The following INSR variants were observed in gnomAD, a reference collection of about 807,000 sequenced individuals.
The protein encoded by INSR is insulin receptor.
INSR carries 67 observed loss-of-function variants against 142.6 expected under a neutral mutation model. The ratio of observed to expected loss-of-function variants is 0.47; its 90% CI spans 0.39 to 0.58. The LOEUF is 0.58. Among genes scored for constraint, INSR ranks in the 20% least tolerant of loss-of-function variants. The pLI is 0.00. For missense variants in INSR, 1,248 were observed against 1,833.2 expected, an observed-to-expected ratio of 0.68 and a Z score of 5.83; for synonymous variants, 756 against 743.1, an observed-to-expected ratio of 1.02 and a Z score of -0.28.
At position 7,152,888 on chromosome 19, in the gene INSR, T is replaced by A. The variant is rs768172890; in HGVS notation, c.2069A>T (p.Glu690Val). 1.9e-6 allele frequency: 3 copies of A among 1,612,700 alleles called. No homozygotes were observed. Among genetic ancestry groups the A allele is most frequent in the Non-Finnish European group, 2.5e-6 (3 of 1,179,858 alleles). Residue 690 changes from glutamate (E) to valine (V), a missense_variant, in exon 10 of 22, where the codon GAG (glutamate) becomes GTG (valine). Glu to Val is a moderately radical substitution (Grantham distance 121). This residue lies in a region of INSR where 1,069 missense variants were observed against 1,654.0 expected (regional missense o/e 0.65). Transcript: ENST00000302850. ...GTTGTGCTTCTGAGAATCTTCAGAC[T>A]CGAATGGTGGAGACCAGGTCCTCGA... ...LPSRTWSPPFESEDSQKHNQS... is the reference protein window; with the variant it reads ...LPSRTWSPPFVSEDSQKHNQS...
chr19:7,135,753 G>A (rs1003298258), intron 13 of INSR, among the ~76,000 whole-genome samples: 3 of 151,868 alleles, frequency 2.0e-5, no homozygotes, highest in African/African-American at 4.8e-5. Flanking sequence ...GGCAGATCAC[G>A]AGGTCAGGAG....
chr19:7,290,483 C>T (rs932389494), intron 1 of INSR, among the ~76,000 whole-genome samples: 1 of 151,700 alleles, frequency 6.6e-6, no homozygotes, highest in Non-Finnish European at 1.5e-5. Flanking sequence ...AATCAAAATG[C>T]CATATTGGGC....
chr19:7,282,520 T>A (rs1968230913), intron 1 of INSR, among the ~76,000 whole-genome samples: 1 of 143,920 alleles, frequency 6.9e-6, no homozygotes, highest in Non-Finnish European at 1.5e-5. Flanking sequence ...CCATCTCTAC[T>A]AAAATGCAAA....
intron 13 of INSR, among the ~76,000 whole-genome samples, chr19:7,136,828 C>CATATATATCTATATATATAT (rs1972938664): frequency 7.2e-6 from 1 of 139,752 alleles, no homozygotes; most frequent in African/African-American, 2.9e-5. Flanking sequence ...TATTTATTTA[C>CATATATATCTATATATATAT]ATATATATAT....
chr19:7,185,505 T>G (rs1293509133), intron 2 of INSR, among the ~76,000 whole-genome samples: 1 of 152,114 alleles, frequency 6.6e-6, no homozygotes, highest in African/African-American at 2.4e-5. Context: ...GATCCTGCCT[T>G]TGGGAGCACA....
intron 2 of INSR, among the ~76,000 whole-genome samples, chr19:7,197,918 A>AGTGTGT (rs71864058): frequency 0.017 from 1,655 of 100,242 alleles, 43 homozygotes; most frequent in African/African-American, 0.041. Context: ...CCAGAGTGAG[A>AGTGTGT]GTGTGTGTGT....
intron 2 of INSR, among the ~76,000 whole-genome samples, chr19:7,211,688 C>T (rs1975277380): frequency 1.3e-5 from 2 of 152,204 alleles, no homozygotes; most frequent in Admixed American, 1.3e-4. Flanking sequence ...GACTCTACTC[C>T]CACAGACTGA....
intron 9 of INSR, among the ~76,000 whole-genome samples, chr19:7,158,294 A>G (rs1973655789): frequency 1.3e-5 from 2 of 151,822 alleles, no homozygotes. Flanking sequence ...AGGTCAGGAG[A>G]TCGAGACCAT....
intron 19 of INSR, among the ~76,000 whole-genome samples, chr19:7,122,387 G>A (rs1273033655): frequency 2.6e-5 from 4 of 151,670 alleles, no homozygotes; most frequent in Non-Finnish European, 5.9e-5. Context: ...AGGTTGCAGT[G>A]AGCTGAGATC....
chr19:7,146,430 C>T lies in INSR; in HGVS notation c.2268-3340G>A, dbSNP rs1973189736. Among the ~76,000 whole-genome samples, 5 of 151,854 alleles carry T rather than the reference C, an allele frequency of 3.3e-5. No homozygotes were observed. The South Asian group carries it at 1.0e-3, about 32-fold the overall frequency. ...CTAATTTTTGTATTGTTAGTAGAGA[C>T]AGTGTTTCACCATGTTGACCAGAAT... is the stretch of plus-strand genomic sequence containing the variant. On this transcript the variant is annotated intron_variant, in intron 11 of 21. Transcript: ENST00000302850.
chr19:7,167,162 G>T (rs1165374089), intron 7 of INSR, among the ~76,000 whole-genome samples: 1 of 152,012 alleles, frequency 6.6e-6, no homozygotes, highest in Non-Finnish European at 1.5e-5. Flanking sequence ...TTCAGATTAG[G>T]GATACTCAAT....
Position 7,119,627 on chromosome 19 carries a change from C to CAT in INSR, c.3660-45_3660-44insAT. On this transcript the variant is annotated intron_variant, in intron 20 of 21. Coordinates refer to ENST00000302850, the MANE Select transcript of INSR (RefSeq NM_000208.4). This position sits in a 1 kb window ranked among gnomAD's most constrained non-coding sequence, Gnocchi z 5.2. Reference sequence around the variant, plus strand: ...AGTAGTAACAAAGAAGCCATTTAGACACACACACACACGCGCGCGCGCAAA... The same window carrying CAT: ...AGTAGTAACAAAGAAGCCATTTAGACATACACACACACACGCGCGCGCGCAAA... 1 of 1,550,816 alleles carries CAT rather than the reference C, an allele frequency of 6.4e-7. No homozygotes were observed. The highest frequency in any genetic ancestry group is 8.8e-7 in the Non-Finnish European group (1 of 1,133,504).
intron 2 of INSR, among the ~76,000 whole-genome samples, chr19:7,266,427 C>T (rs994922704): frequency 1.3e-5 from 2 of 150,708 alleles, no homozygotes; most frequent in African/African-American, 2.4e-5. Flanking sequence ...CTCTGGTTGC[C>T]CAGGGTGGAG....
rs562884255 is a variant in INSR at position 7,252,596 on chromosome 19, CACACCGCGT to C, written c.652+14740_652+14748del. On this transcript the variant is annotated intron_variant, in intron 2 of 21. Coordinates refer to ENST00000302850, the MANE Select transcript of INSR (RefSeq NM_000208.4). ...GGTCAGTAAACAACGCCGTGCTTCG[CACACCGCGT>C]GTGGACATGACTAGCTGCCAGCGCT... Among the ~76,000 whole-genome samples, 9 of 152,308 alleles carry C rather than the reference CACACCGCGT, an allele frequency of 5.9e-5. No homozygotes were observed. In the South Asian group the frequency reaches 1.9e-3, roughly 32 times the overall value.
At chr19:7,258,641 T>C (rs997812826) in intron 2 of INSR, among the ~76,000 whole-genome samples, 4 of 149,072 alleles carry the variant, frequency 2.7e-5, no homozygotes, top group Non-Finnish European at 4.5e-5. Context: ...CAAACCCTCA[T>C]AGGCTGTGAT....
chr19:7,241,031 A>C (rs1292649380), intron 2 of INSR, among the ~76,000 whole-genome samples: 1 of 152,192 alleles, frequency 6.6e-6, no homozygotes, highest in Non-Finnish European at 1.5e-5. Flanking sequence ...AAATACATGC[A>C]GGGCTGGAAG....
intron 2 of INSR, among the ~76,000 whole-genome samples, chr19:7,214,983 G>T (rs1194648829): frequency 6.7e-6 from 1 of 149,812 alleles, no homozygotes; most frequent in Non-Finnish European, 1.5e-5. Flanking sequence ...TTTCTTCAGG[G>T]TCTGCTTCTG....
At chr19:7,274,905 C>T (rs994431577) in intron 1 of INSR, among the ~76,000 whole-genome samples, 3 of 151,822 alleles carry the variant, frequency 2.0e-5, no homozygotes, top group Non-Finnish European at 4.4e-5. Flanking sequence ...AAAATTGAGC[C>T]TTACCCCGGG....
chr19:7,116,029 T>C lies in INSR; in HGVS notation c.*1027A>G, dbSNP rs561937596. 1 of 151,918 alleles carries C rather than the reference T, an allele frequency of 6.6e-6. No homozygotes were observed. Among genetic ancestry groups the C allele is most frequent in the Admixed American group, 6.5e-5 (1 of 15,276 alleles). 9.4% of individuals were successfully genotyped at this position (151,918 alleles called of 1,614,324 possible). ...AACTTATGAGGCTAATACCAGAGACTTTAAAAATTAAATATGGTACAAATA... is the reference window on the plus strand; with the variant it reads ...AACTTATGAGGCTAATACCAGAGACCTTAAAAATTAAATATGGTACAAATA... On this transcript the variant is annotated 3_prime_UTR_variant, in exon 22 of 22. Coordinates refer to ENST00000302850, the MANE Select transcript of INSR (RefSeq NM_000208.4).
Sources: gnomAD v4.1 joint callset for allele counts (sites outside exome capture counted in the v4.1 genomes callset) on GRCh38, gnomAD v4.1.1 for gene constraint, gnomAD v4.1.1 regional missense constraint, Gnocchi (gnomAD v3.1) non-coding constraint, MANE v1.5 for transcripts, NCBI Gene and HGNC (gene_info 2026-07-23, HGNC 2026-07-21) for gene names.